Variants in CERS4 observed in about 807,000 individuals in gnomAD.
The protein encoded by CERS4 is LAG1 homolog, ceramide synthase 4.
In CERS4, 65 loss-of-function variants were observed where a neutral mutation model predicts 51.8. The observed-to-expected ratio is 1.26, with a 90% CI of 1.03 to 1.54. The LOEUF (loss-of-function observed/expected upper bound fraction) is 1.54, where lower values mean the gene tolerates loss of function less well. Among genes scored for constraint, CERS4 ranks in the 40% most tolerant of loss-of-function variants. The probability of loss-of-function intolerance (pLI) is 0.00; values close to 1 mark genes in which losing one functional copy is unlikely to be tolerated. For missense variants in CERS4, 563 were observed against 500.4 expected (o/e 1.13, Z -1.19); for synonymous variants, 228 against 208.4 (o/e 1.09, Z -0.81).
intron 2 of CERS4, among the ~76,000 whole-genome samples, chr19:8,241,016 G>A (rs1418637646): frequency 6.6e-6 from 1 of 152,064 alleles, no homozygotes; most frequent in East Asian, 1.9e-4. Flanking sequence ...GGGGCGGGTG[G>A]GGTGAGGGGA....
intron 9 of CERS4, among the ~76,000 whole-genome samples, chr19:8,257,635 G>A (rs1275511777): frequency 1.3e-5 from 2 of 152,056 alleles, no homozygotes; most frequent in Non-Finnish European, 2.9e-5. Flanking sequence ...TCACCATGTT[G>A]GCCAGGCTGG....
chr19:8,259,163 G>A (rs138517342), intron 10 of CERS4, among the ~76,000 whole-genome samples: 189 of 152,310 alleles, frequency 1.2e-3, no homozygotes, highest in Admixed American at 4.6e-3. Context: ...AAGGGAGCAG[G>A]AAGTATGGGA....
intron 2 of CERS4, among the ~76,000 whole-genome samples, chr19:8,239,948 G>A (rs1335913246): frequency 6.6e-6 from 1 of 152,146 alleles, no homozygotes; most frequent in African/African-American, 2.4e-5. Context: ...ATGCCTTGGG[G>A]TGAAGAAGAC....
chr19:8,250,981 C>T (rs772284669), intron 2 of CERS4, 95 bp from the exon 3 acceptor site: 25 of 1,486,124 alleles, frequency 1.7e-5, no homozygotes, highest in East Asian at 7.5e-5. Context: ...GATAGGGGCC[C>T]GAGTAGGAGT....
chr19:8,256,630 TC>T lies in CERS4; in HGVS notation c.535del (p.Leu179CysfsTer16). On this transcript the variant is annotated frameshift_variant, in exon 8 of 12. Coordinates refer to ENST00000251363, the MANE Select transcript of CERS4 (RefSeq NM_024552.3). LOFTEE classifies it high-confidence loss of function. Reference sequence around the variant, plus strand: ...TGTCCTGCTGCAGACTCTGAAGCCATCCCTGTACTGGTGGTACCTCTTGGAG... The same window carrying T: ...TGTCCTGCTGCAGACTCTGAAGCCATCCTGTACTGGTGGTACCTCTTGGAG... ...DRYPNQTLKP[S>X]LYWWYLLELG... 3 of 1,613,044 alleles carry T rather than the reference TC, an allele frequency of 1.9e-6. No homozygotes were observed. The highest frequency in any genetic ancestry group is 2.7e-5 in the African/African-American group (2 of 74,992).
intron 2 of CERS4, among the ~76,000 whole-genome samples, chr19:8,244,515 T>A (rs1035171841): frequency 6.6e-6 from 1 of 152,160 alleles, no homozygotes; most frequent in African/African-American, 2.4e-5. Flanking sequence ...AACCCTTCTC[T>A]TTTCTGGCTC....
At chr19:8,254,661 G>A (rs756313215) in intron 4 of CERS4, 45 bp downstream of exon 4, 1 of 1,523,018 alleles carries the variant, frequency 6.6e-7, no homozygotes, top group South Asian at 1.2e-5. Context: ...TGCCCTGGGG[G>A]TGGGGCGTGG....
chr19:8,249,048 G>C (rs1252639710), intron 2 of CERS4, among the ~76,000 whole-genome samples: 2 of 149,034 alleles, frequency 1.3e-5, no homozygotes, highest in South Asian at 2.1e-4. Context: ...GGGTAGATGA[G>C]TGGATAGGTG....
intron 2 of CERS4, among the ~76,000 whole-genome samples, chr19:8,245,121 A>AAAAAACAAAAAAAAACAAAACAAAAC (rs1555777233): frequency 6.2e-5 from 9 of 146,102 alleles, no homozygotes; most frequent in South Asian, 2.2e-4. Context: ...CAAAAAAAAA[A>AAAAAACAAAAAAAAACAAAACAAAAC]AAAAAAAAAA....
chr19:8,228,424 C>T (rs1424341450), intron 2 of CERS4, among the ~76,000 whole-genome samples: 1 of 152,130 alleles, frequency 6.6e-6, no homozygotes, highest in African/African-American at 2.4e-5. Flanking sequence ...CCTATAATCC[C>T]AGCACTTTGG....
rs1264657914 is a variant in CERS4, at chr19:8,262,034, C to T, written c.1110C>T (p.Pro370=). 2 of 1,558,534 alleles carry T rather than the reference C, an allele frequency of 1.3e-6. No individual in the cohort carries two copies. Among genetic ancestry groups the T allele is most frequent in the Non-Finnish European group, 1.7e-6 (2 of 1,155,824 alleles). Residue 370 remains proline (P), a synonymous_variant, in exon 12 of 12, where the codon CCC becomes CCT. Coordinates refer to ENST00000251363, the MANE Select transcript of CERS4 (RefSeq NM_024552.3). ...LQLKNGAAGG[P]RPAPTDGPRS... ...TAAAGAACGGGGCAGCTGGAGGGCC[C>T]AGGCCAGCCCCCACTGATGGCCCTC...
chr19:8,221,305 T>G (rs1027623831), intron 2 of CERS4, among the ~76,000 whole-genome samples: 1 of 152,140 alleles, frequency 6.6e-6, no homozygotes, highest in Admixed American at 6.6e-5. Context: ...TAACAGACAC[T>G]TGGTAACCTC....
chr19:8,261,790 G>A lies in CERS4; in HGVS notation c.951G>A (p.Val317=). The A allele has an allele frequency of 1.9e-6, 3 of 1,614,186 alleles. No homozygotes were observed. The highest frequency in any genetic ancestry group is 3.3e-5 in the Admixed American group (2 of 60,020). The change falls in exon 11 of 12, where the codon GTG becomes GTA. Residue 317 remains valine (V), a synonymous_variant. Coordinates refer to ENST00000251363, the MANE Select transcript of CERS4 (RefSeq NM_024552.3). The part of the protein sequence containing the change: ...GLLMLLQLLH[V]FWSCLILRML... ...TGATGTTGCTGCAGCTGCTGCACGT[G>A]TTCTGGTCTTGCCTCATTCTGCGCA...
chr19:8,254,675 T>A, intron 4 of CERS4, 59 bp downstream of exon 4: 1 of 1,468,154 alleles, frequency 6.8e-7, no homozygotes, highest in South Asian at 1.2e-5. Context: ...GGCGTGGGGA[T>A]GGTGTGTGGC....
intron 2 of CERS4, among the ~76,000 whole-genome samples, chr19:8,217,948 A>C: frequency 6.6e-6 from 1 of 151,024 alleles, no homozygotes; most frequent in East Asian, 2.0e-4. Flanking sequence ...GCTGGGATCT[A>C]CATTTGGCCT....
At chr19:8,222,302 T>G (rs1967601063) in intron 2 of CERS4, 1 of 151,742 alleles carries the variant, frequency 6.6e-6, no homozygotes, top group African/African-American at 2.4e-5. Context: ...CTCAGCCTCC[T>G]GAGTAGCTGG....
intron 2 of CERS4, among the ~76,000 whole-genome samples, chr19:8,232,118 C>T (rs1189711709): frequency 2.0e-5 from 3 of 151,580 alleles, no homozygotes; most frequent in Admixed American, 6.6e-5. Context: ...GCATGAGTTA[C>T]GACACCCGGC....
At chr19:8,249,357 G>A (rs576721320) in intron 2 of CERS4, among the ~76,000 whole-genome samples, 1 of 152,278 alleles carries the variant, frequency 6.6e-6, no homozygotes, top group South Asian at 2.1e-4. Context: ...TGGACCCTTG[G>A]CTCAAGATCT....
At chr19:8,249,586 G>GTTTTTTTT (rs1568528022) in intron 2 of CERS4, among the ~76,000 whole-genome samples, 1 of 57,938 alleles carries the variant, frequency 1.7e-5, no homozygotes, top group African/African-American at 5.6e-5. Context: ...AGGAACTCTG[G>GTTTTTTTT]ATTTTTTTTT....
Sources: allele counts gnomAD v4.1 joint callset (sites outside exome capture counted in the v4.1 genomes callset), GRCh38; gene constraint gnomAD v4.1.1; transcripts MANE v1.5; gene names NCBI Gene and HGNC (gene_info 2026-07-23, HGNC 2026-07-21).